The following FARS2 variants were observed in gnomAD, a reference collection of about 807,000 sequenced individuals.
FARS2 encodes the protein phenylalanyl-tRNA synthetase 2, mitochondrial, also known as phenylalanine--tRNA ligase, mitochondrial.
In FARS2, 40 loss-of-function variants were observed where a neutral mutation model predicts 46.4. The observed-to-expected ratio is 0.86, with a 90% CI of 0.67 to 1.12. FARS2 has a LOEUF of 1.12. Ranked by LOEUF, FARS2 falls within the 50% of genes most tolerant of loss-of-function variation. FARS2 has a pLI of 0.00. For missense variants in FARS2, 513 were observed against 567.9 expected (o/e 0.90, Z 0.98); for synonymous variants, 234 against 214.9 (o/e 1.09, Z -0.78).
chr6:5,557,984 T>G lies in FARS2; in HGVS notation c.1065+12644T>G, dbSNP rs368620081. Among the ~76,000 whole-genome samples, 5 of 152,144 alleles carry G rather than the reference T, an allele frequency of 3.3e-5. No homozygotes were observed. The East Asian group carries it at 7.7e-4, about 23-fold the overall frequency. Reference sequence around the variant, plus strand: ...AGGAAAAGGGCTGAAATACTAACTTTACACAACCTAGGAGTTAGATCTTCA... The same window carrying G: ...AGGAAAAGGGCTGAAATACTAACTTGACACAACCTAGGAGTTAGATCTTCA... On this transcript the variant is annotated intron_variant, in intron 5 of 6. Transcript: ENST00000274680.
chr6:5,389,827 TTTTG>T (rs1760378295), intron 2 of FARS2, among the ~76,000 whole-genome samples: 1 of 151,014 alleles, frequency 6.6e-6, no homozygotes, highest in Non-Finnish European at 1.5e-5. Context: ...ACTACAGTTT[TTTTG>T]TTTTTGTCGT....
intron 5 of FARS2, among the ~76,000 whole-genome samples, chr6:5,546,458 G>T (rs1034157670): frequency 1.9e-4 from 29 of 151,398 alleles, no homozygotes; most frequent in East Asian, 3.9e-4. Context: ...CACCATGTTG[G>T]CCAGGCTGGT....
At chr6:5,562,560 T>G (rs2150538821) in intron 5 of FARS2, among the ~76,000 whole-genome samples, 1 of 152,258 alleles carries the variant, frequency 6.6e-6, no homozygotes, top group African/African-American at 2.4e-5. Flanking sequence ...ATATGGCATG[T>G]GTCTGTGTTT....
intron 6 of FARS2, among the ~76,000 whole-genome samples, chr6:5,716,499 A>G (rs1759499661): frequency 6.6e-6 from 1 of 152,184 alleles, no homozygotes; most frequent in Non-Finnish European, 1.5e-5. Flanking sequence ...CCAGATGTAC[A>G]GGGATTTCTC....
At chr6:5,281,754 C>T (rs999834245) in intron 1 of FARS2, among the ~76,000 whole-genome samples, 1 of 152,076 alleles carries the variant, frequency 6.6e-6, no homozygotes, top group Admixed American at 6.5e-5. Context: ...GGGATCACCT[C>T]CTTTAACGTG....
chr6:5,411,254 G>C (rs1044555923), intron 3 of FARS2, among the ~76,000 whole-genome samples: 1 of 152,064 alleles, frequency 6.6e-6, no homozygotes, highest in African/African-American at 2.4e-5. Context: ...ACTCCAGCCT[G>C]GCCAACAGAC....
At chr6:5,331,815 T>C (rs1444133339) in intron 1 of FARS2, among the ~76,000 whole-genome samples, 1 of 152,158 alleles carries the variant, frequency 6.6e-6, no homozygotes, top group Non-Finnish European at 1.5e-5. Context: ...TCGCTGGTCT[T>C]GGAGAGAGGG....
chr6:5,358,542 A>G (rs1050608474), intron 1 of FARS2, among the ~76,000 whole-genome samples: 10 of 152,114 alleles, frequency 6.6e-5, no homozygotes, highest in Admixed American at 5.2e-4. Context: ...TTTTCCATTT[A>G]TTGAGAGGAT....
intron 1 of FARS2, among the ~76,000 whole-genome samples, chr6:5,270,281 T>C (rs1765852970): frequency 6.6e-6 from 1 of 152,222 alleles, no homozygotes; most frequent in Admixed American, 6.5e-5. Context: ...CAAGCACATG[T>C]GCCTGGGCAT....
chr6:5,335,011 A>G (rs941314940), intron 1 of FARS2, among the ~76,000 whole-genome samples: 1 of 152,142 alleles, frequency 6.6e-6, no homozygotes, highest in Non-Finnish European at 1.5e-5. Context: ...TGATATTTTG[A>G]TGGTTTCTAT....
intron 6 of FARS2, among the ~76,000 whole-genome samples, chr6:5,701,095 C>A (rs1006061099): frequency 2.6e-5 from 4 of 152,240 alleles, no homozygotes; most frequent in Non-Finnish European, 4.4e-5. Flanking sequence ...CCAGAAGGAT[C>A]TATGGGATTT....
In FARS2 at chr6:5,765,053, T is replaced by G. The variant is rs1762679628; in HGVS notation, c.1218-6238T>G. ...ATTTATAGTTTTGAGAATGCTTCAC[T>G]GATCCAGCCCTGACTATACTCAGCA... On this transcript the variant is annotated intron_variant, in intron 6 of 6. Transcript: ENST00000274680. The surrounding 1 kb of genome is among the most constrained non-coding windows in gnomAD (Gnocchi z 4.0). Among the ~76,000 whole-genome samples, 1 of 152,240 alleles carries G rather than the reference T, an allele frequency of 6.6e-6. No individual in the cohort carries two copies. The highest frequency in any genetic ancestry group is 2.1e-4 in the South Asian group (1 of 4,832).
chr6:5,665,546 G>A (rs1346685790), intron 6 of FARS2: 1 of 152,204 alleles, frequency 6.6e-6, no homozygotes. Flanking sequence ...TGATAATAAG[G>A]TAGTAAGCTT....
intron 2 of FARS2, among the ~76,000 whole-genome samples, chr6:5,390,371 G>C (rs2503812): frequency 0.39 from 59,539 of 152,012 alleles, 13,016 homozygotes; most frequent in East Asian, 0.61. Context: ...CTTTTGCATC[G>C]CACATGCTAA....
chr6:5,666,567 A>G (rs1309745759), intron 6 of FARS2, among the ~76,000 whole-genome samples: 1 of 152,230 alleles, frequency 6.6e-6, no homozygotes, highest in Non-Finnish European at 1.5e-5. Context: ...AGTGCTAGAC[A>G]CTGGAGGCAA....
rs372451511 is a variant in FARS2 at position 5,603,380 on chromosome 6, G to C, written c.1066-9789G>C. Among the ~76,000 whole-genome samples the C allele has an allele frequency of 1.8e-4, 28 of 152,294 alleles. 1 individual carries two copies. Among genetic ancestry groups the C allele is most frequent in the African/African-American group, 6.7e-4 (28 of 41,568 alleles). On this transcript the variant is annotated intron_variant, in intron 5 of 6. Transcript: ENST00000274680. ...GAAGGAAGAGTAGCCAAAGTTGCAA[G>C]CTCCCACCCATCACAAAAGGAGGGT...
At chr6:5,385,405 GTTTCTTTTCTTTT>G (rs1206808266) in intron 2 of FARS2, among the ~76,000 whole-genome samples, 3 of 149,662 alleles carry the variant, frequency 2.0e-5, no homozygotes, top group East Asian at 2.0e-4. Flanking sequence ...AGGCTTGGGA[GTTTCTTTTCTTTT>G]TTTCTTTTCT....
intron 5 of FARS2, among the ~76,000 whole-genome samples, chr6:5,557,862 A>G (rs186364746): frequency 7.9e-5 from 12 of 152,288 alleles, no homozygotes; most frequent in African/African-American, 2.9e-4. Context: ...GATTGGTGGG[A>G]AGTGTGTAGC....
At chr6:5,759,074 A>T (rs1330438306) in intron 6 of FARS2, among the ~76,000 whole-genome samples, 1 of 152,104 alleles carries the variant, frequency 6.6e-6, no homozygotes, top group East Asian at 1.9e-4. Flanking sequence ...CATGTTATAG[A>T]TGAGAAAACC....
Sources: allele counts gnomAD v4.1 joint callset (sites outside exome capture counted in the v4.1 genomes callset), GRCh38; gene constraint gnomAD v4.1.1; non-coding constraint Gnocchi (gnomAD v3.1); transcripts MANE v1.5; gene names NCBI Gene and HGNC (gene_info 2026-07-23, HGNC 2026-07-21).